The following STRIP1 variants were observed in gnomAD, a reference collection of about 807,000 sequenced individuals.
The protein encoded by STRIP1 is striatin interacting protein 1, also known as striatin-interacting protein 1.
STRIP1 carries 63 observed loss-of-function variants against 106.2 expected under a neutral mutation model. That is an observed-to-expected ratio of 0.59 (90% CI 0.48 to 0.73). STRIP1 has a LOEUF of 0.73. Ranked by LOEUF, STRIP1 falls within the 30% of genes least tolerant of loss-of-function variation. The probability of loss-of-function intolerance (pLI) is 0.00; values close to 1 mark genes in which losing one functional copy is unlikely to be tolerated. For missense variants in STRIP1, 857 were observed against 1,074.8 expected, an observed-to-expected ratio of 0.80 and a Z score of 2.83; for synonymous variants, 390 against 413.0, an observed-to-expected ratio of 0.94 and a Z score of 0.67.
At chr1:110,050,481 A>G in intron 18 of STRIP1, 72 bp downstream of exon 18, 1 of 1,380,934 alleles carries the variant, frequency 7.2e-7, no homozygotes, top group Non-Finnish European at 1.0e-6. Context: ...GCCTACCCCA[A>G]CACTGCAGGA....
chr1:110,034,470 G>T (rs1007526816), upstream of STRIP1: 11 of 689,070 alleles, frequency 1.6e-5, no homozygotes, highest in South Asian at 2.7e-4. Context: ...GATCAACAAG[G>T]GAAGGACTGC....
Position 110,053,751 on chromosome 1 carries a change from C to G in STRIP1, c.2353C>G (p.Arg785Gly). 6.2e-7 allele frequency: 1 copy of G among 1,614,128 alleles called. No individual in the cohort carries two copies. The highest frequency in any genetic ancestry group is 8.5e-7 in the Non-Finnish European group (1 of 1,180,022). ...ACGCTTCAACGCCCGGCGCTATGAC[C>G]GGGCCCACAGCAACCCTGACTTCCT... ...IERFNARRYD[R>G]AHSNPDFLPV... Residue 785 changes from arginine to glycine, a missense_variant, in exon 21 of 21, where the codon CGG becomes GGG. Arg to Gly is a moderately radical substitution (Grantham distance 125). This residue lies in a region of STRIP1 where 750 missense variants were observed against 989.8 expected (regional missense o/e 0.76). Coordinates refer to ENST00000369795, the MANE Select transcript of STRIP1 (RefSeq NM_033088.4).
At chr1:110,043,395 C>T (rs889057090) in intron 9 of STRIP1, 125 bp downstream of exon 9, 227 of 1,069,520 alleles carry the variant, frequency 2.1e-4, no homozygotes, top group Middle Eastern at 7.2e-4. Context: ...AATCATGCCT[C>T]CACAGCGAGG....
In STRIP1 at chr1:110,053,858, G is replaced by C; in HGVS notation, c.2460G>C (p.Trp820Cys). The change falls in exon 21 of 21, where the codon TGG becomes TGC. Residue 820 changes from tryptophan (W) to cysteine (C), a missense_variant. Transcript: ENST00000369795. The stretch of plus-strand genomic sequence containing the variant: ...ACTTTCAGATGAACTATGACCTCTG[G>C]TTAGAAAGGGAGGTCTTCTCCAAGC... ...PEDFQMNYDL[W>C]LEREVFSKPI... 6.2e-7 allele frequency: 1 copy of C among 1,614,158 alleles called. No individual in the cohort carries two copies. Among genetic ancestry groups the C allele is most frequent in the Non-Finnish European group, 8.5e-7 (1 of 1,180,026 alleles).
intron 20 of STRIP1, 128 bp from the exon 21 acceptor site, chr1:110,053,537 C>A: frequency 7.6e-7 from 1 of 1,324,272 alleles, no homozygotes; most frequent in South Asian, 1.4e-5. Context: ...GAATTCCTGG[C>A]ATCTTTCTGA....
intron 20 of STRIP1, among the ~76,000 whole-genome samples, chr1:110,053,341 C>T (rs1412244357): frequency 6.6e-6 from 1 of 152,208 alleles, no homozygotes; most frequent in African/African-American, 2.4e-5. Context: ...AGAGAATGAG[C>T]AAAGGAGAAG....
chr1:110,041,500 C>A (rs767979597), intron 6 of STRIP1, 36 bp from the exon 7 acceptor site: 3 of 1,532,692 alleles, frequency 2.0e-6, no homozygotes, highest in East Asian at 2.2e-5. Context: ...TTGACCCCCC[C>A]ATCCCACTCC....
In STRIP1 at chr1:110,043,793, T is replaced by C; in HGVS notation, c.1223T>C (p.Leu408Pro). 1 of 1,614,164 alleles carries C rather than the reference T, an allele frequency of 6.2e-7. No homozygotes were observed. Among genetic ancestry groups the C allele is most frequent in the Non-Finnish European group, 8.5e-7 (1 of 1,180,024 alleles). ...CGGGATGAAGTGATGCCTCCCCCGC[T>C]ACAGCACCCACAGACTGACAGGCTG... Reference protein sequence around the residue: ...LERDEVMPPPLQHPQTDRLTC... With the variant: ...LERDEVMPPPPQHPQTDRLTC... Residue 408 changes from leucine to proline, a missense_variant, in exon 10 of 21, where the codon CTA becomes CCA. Leu to Pro is a moderately conservative substitution (Grantham distance 98, BLOSUM62 -3). Around this residue, in one of 2 missense-constraint regions of STRIP1, gnomAD observed 750 missense variants for 989.8 expected, o/e 0.76. Transcript: ENST00000369795.
intron 5 of STRIP1, chr1:110,039,839 C>T (rs1225711929): frequency 7.6e-7 from 1 of 1,311,272 alleles, no homozygotes; most frequent in Non-Finnish European, 1.0e-6. Context: ...GCTGTGTTCG[C>T]CCTGCAGTTT....
At chr1:110,047,710 C>G in intron 14 of STRIP1, 62 bp from the exon 15 acceptor site, 2 of 1,540,968 alleles carry the variant, frequency 1.3e-6, no homozygotes, top group Non-Finnish European at 1.8e-6. Context: ...AGGAGGACTG[C>G]TCAGAGCTTA....
intron 13 of STRIP1, 78 bp from the exon 14 acceptor site, chr1:110,047,464 C>A: frequency 8.3e-7 from 1 of 1,204,602 alleles, no homozygotes; most frequent in Non-Finnish European, 1.2e-6. Flanking sequence ...ACAGGTTTTC[C>A]TCCAGCCAGC....
intron 19 of STRIP1, among the ~76,000 whole-genome samples, chr1:110,051,468 C>T (rs1474186173): frequency 2.0e-5 from 3 of 152,148 alleles, no homozygotes; most frequent in African/African-American, 7.2e-5. Context: ...CAAAGTGACA[C>T]ATAGTTAGGG....
chr1:110,040,167 T>G (rs1285535065), intron 5 of STRIP1, among the ~76,000 whole-genome samples: 1 of 151,798 alleles, frequency 6.6e-6, no homozygotes, highest in Non-Finnish European at 1.5e-5. Flanking sequence ...TTGTTTTTGT[T>G]TTTGTGTTTT....
intron 1 of STRIP1, 124 bp downstream of exon 1, chr1:110,034,941 G>A (rs757103983): frequency 4.8e-5 from 46 of 955,254 alleles, no homozygotes; most frequent in Middle Eastern, 3.5e-4. Flanking sequence ...GCCGAGAACT[G>A]TCACTATACA....
At chr1:110,047,961 C>T (rs1653111047) in intron 15 of STRIP1, 92 bp downstream of exon 15, 2 of 1,082,622 alleles carry the variant, frequency 1.8e-6, no homozygotes, top group Non-Finnish European at 2.8e-6. Flanking sequence ...TGTTGTTGGC[C>T]CAGCTCTACA....
intron 1 of STRIP1, among the ~76,000 whole-genome samples, 159 bp downstream of exon 1, chr1:110,034,976 G>A (rs950891398): frequency 6.6e-6 from 1 of 152,228 alleles, no homozygotes; most frequent in African/African-American, 2.4e-5. Flanking sequence ...AAGCGAGGCT[G>A]GCAGCTCCTG....
intron 15 of STRIP1, chr1:110,048,194 C>T (rs12042401): frequency 0.32 from 94,006 of 289,270 alleles, 17,801 homozygotes; most frequent in Non-Finnish European, 0.41. Flanking sequence ...GTGATTGAGA[C>T]ACCCAGGATG....
At chr1:110,047,730 C>G in intron 14 of STRIP1, 42 bp from the exon 15 acceptor site, 1 of 1,547,782 alleles carries the variant, frequency 6.5e-7, no homozygotes, top group Non-Finnish European at 8.8e-7. Context: ...AATTTTGACC[C>G]TGGGCTCTCA....
chr1:110,045,550 T>C (rs1652981119), intron 12 of STRIP1: 1 of 150,894 alleles, frequency 6.6e-6, no homozygotes, highest in African/African-American at 2.5e-5. Context: ...GCTCAATAAA[T>C]AGCCCTCCTT....
Sources: gnomAD v4.1 joint callset for allele counts (sites outside exome capture counted in the v4.1 genomes callset) on GRCh38, gnomAD v4.1.1 for gene constraint, gnomAD v4.1.1 regional missense constraint, MANE v1.5 for transcripts, NCBI Gene and HGNC (gene_info 2026-07-23, HGNC 2026-07-21) for gene names.